Variants in TENM3 observed in about 807,000 individuals in gnomAD.
TENM3 encodes teneurin transmembrane protein 3.
In TENM3, 63 loss-of-function variants were observed where a neutral mutation model predicts 255.1. The observed-to-expected ratio is 0.25, with a 90% confidence interval of 0.20 to 0.30. The LOEUF (loss-of-function observed/expected upper bound fraction) is 0.30, where lower values mean the gene tolerates loss of function less well. Among genes scored for constraint, TENM3 ranks in the 10% least tolerant of loss-of-function variants. The pLI, the probability that TENM3 is intolerant of heterozygous loss-of-function variation, is 1.00. For missense variants in TENM3, 2,929 were observed against 3,461.1 expected, an observed-to-expected ratio of 0.85 and a Z score of 3.86; for synonymous variants, 1,306 against 1,322.3, an observed-to-expected ratio of 0.99 and a Z score of 0.27.
chr4:181,940,874 T>C, the TENM3 span, among the ~76,000 whole-genome samples: 189 of 152,334 alleles, frequency 1.2e-3, no homozygotes, highest in South Asian at 2.3e-3. Flanking sequence ...CAACAGTTAA[T>C]GGCATCTCAA....
chr4:181,963,937 T>C, the TENM3 span, among the ~76,000 whole-genome samples: 24 of 152,142 alleles, frequency 1.6e-4, no homozygotes, highest in African/African-American at 5.8e-4. Context: ...CAACTCCCTC[T>C]TCTGTTATGG....
At chr4:182,623,835 C>T (rs577403339) in intron 4 of TENM3, among the ~76,000 whole-genome samples, 8 of 152,294 alleles carry the variant, frequency 5.3e-5, no homozygotes, top group South Asian at 4.1e-4. Flanking sequence ...TTCCTATCCG[C>T]GAGACCCCTG....
chr4:181,959,034 T>G, the TENM3 span, among the ~76,000 whole-genome samples: 1 of 152,162 alleles, frequency 6.6e-6, no homozygotes, highest in Non-Finnish European at 1.5e-5. Context: ...CATTGAATGG[T>G]TTTTTGTTGT....
the TENM3 span, among the ~76,000 whole-genome samples, chr4:181,705,059 A>C: frequency 1.3e-5 from 2 of 151,228 alleles, no homozygotes; most frequent in Non-Finnish European, 2.9e-5. Context: ...AACAAAAAAA[A>C]AAAAACAAAA....
the TENM3 span, among the ~76,000 whole-genome samples, chr4:182,096,365 A>C: frequency 6.6e-6 from 1 of 152,168 alleles, no homozygotes; most frequent in African/African-American, 2.4e-5. Flanking sequence ...ATTTCAGAAG[A>C]TAGGAACCGA....
intron 3 of TENM3, among the ~76,000 whole-genome samples, chr4:182,415,106 A>AT (rs879411232): frequency 2.6e-5 from 4 of 152,188 alleles, no homozygotes; most frequent in East Asian, 1.9e-4. Context: ...CATTAAGTCT[A>AT]TTTTTTTCCA....
At chr4:181,988,726 C>A in the TENM3 span, among the ~76,000 whole-genome samples, 1 of 151,866 alleles carries the variant, frequency 6.6e-6, no homozygotes, top group African/African-American at 2.4e-5. Flanking sequence ...CCCAAGGTCA[C>A]CTGTCTTTGC....
intron 3 of TENM3, among the ~76,000 whole-genome samples, chr4:182,480,098 G>A (rs2151506845): frequency 6.6e-6 from 1 of 152,068 alleles, no homozygotes; most frequent in Non-Finnish European, 1.5e-5. Flanking sequence ...ACAGTATTCT[G>A]TTTTGAGAAT....
At chr4:182,593,772 C>T (rs1227539311) in intron 3 of TENM3, among the ~76,000 whole-genome samples, 1 of 152,162 alleles carries the variant, frequency 6.6e-6, no homozygotes. Context: ...ACCGAGCACA[C>T]ACATACAAAT....
intron 1 of TENM3, among the ~76,000 whole-genome samples, chr4:182,218,601 T>C (rs1383674931): frequency 6.6e-6 from 1 of 152,206 alleles, no homozygotes; most frequent in Non-Finnish European, 1.5e-5. Flanking sequence ...GTTCTATAAA[T>C]AACATCCTAC....
intron 3 of TENM3, among the ~76,000 whole-genome samples, chr4:182,551,632 T>G (rs1478518314): frequency 6.6e-6 from 1 of 152,186 alleles, no homozygotes; most frequent in Non-Finnish European, 1.5e-5. Context: ...CATTACTATT[T>G]CATCTGACTT....
chr4:181,976,973 C>T, the TENM3 span, among the ~76,000 whole-genome samples: 5 of 152,344 alleles, frequency 3.3e-5, no homozygotes, highest in African/African-American at 9.6e-5. Flanking sequence ...TGCTATGTGA[C>T]ATACACATCA....
chr4:182,556,406 G>A (rs1015476617), intron 3 of TENM3, among the ~76,000 whole-genome samples: 1 of 152,038 alleles, frequency 6.6e-6, no homozygotes, highest in African/African-American at 2.4e-5. Flanking sequence ...GACCATTCAG[G>A]CATAGTTTAT....
intron 1 of TENM3, among the ~76,000 whole-genome samples, chr4:182,312,540 T>C (rs17073039): frequency 0.075 from 11,467 of 152,146 alleles, 515 homozygotes; most frequent in East Asian, 0.14. Flanking sequence ...TTTTACCTAG[T>C]GTGTTTGAGG....
Position 182,753,541 on chromosome 4 carries a change from G to A in TENM3, c.3954G>A (p.Leu1318=), listed in dbSNP as rs973654437. Reference sequence around the variant, plus strand: ...AAAATGGAATCATATCAACTCTTCTGGGCTCTAACGATTTGACTTCAGCCA... The same window carrying A: ...AAAATGGAATCATATCAACTCTTCTAGGCTCTAACGATTTGACTTCAGCCA... ...VDQNGIISTL[L]GSNDLTSARP... is the part of the protein sequence containing the mutation. Residue 1318 remains leucine (L), a synonymous_variant, in exon 21 of 28, where the codon CTG becomes CTA. Coordinates refer to ENST00000511685, the MANE Select transcript of TENM3 (RefSeq NM_001080477.4). 3 of 1,613,908 alleles carry A rather than the reference G, an allele frequency of 1.9e-6. No individual in the cohort carries two copies. Among genetic ancestry groups the A allele is most frequent in the African/African-American group, 2.7e-5 (2 of 75,034 alleles).
chr4:181,850,196 T>A, the TENM3 span, among the ~76,000 whole-genome samples: 2 of 152,152 alleles, frequency 1.3e-5, no homozygotes, highest in South Asian at 4.2e-4. Flanking sequence ...CTACTCTCCT[T>A]ACTCTCAATT....
At chr4:181,785,743 T>C in the TENM3 span, among the ~76,000 whole-genome samples, 1 of 151,988 alleles carries the variant, frequency 6.6e-6, no homozygotes, top group South Asian at 2.1e-4. Context: ...GACACACCTG[T>C]AGTTCCCAAG....
chr4:182,055,807 TG>T, the TENM3 span, among the ~76,000 whole-genome samples: 9 of 152,138 alleles, frequency 5.9e-5, no homozygotes, highest in African/African-American at 2.2e-4. Context: ...ACTTGGAACC[TG>T]TGTTACACTT....
chr4:181,621,595 T>C, the TENM3 span, among the ~76,000 whole-genome samples: 1 of 152,216 alleles, frequency 6.6e-6, no homozygotes, highest in African/African-American at 2.4e-5. Context: ...TAACTCCTTT[T>C]ACAATTTCTG....
Sources: gnomAD v4.1 joint callset for allele counts (sites outside exome capture counted in the v4.1 genomes callset) on GRCh38, gnomAD v4.1.1 for gene constraint, MANE v1.5 for transcripts, NCBI Gene and HGNC (gene_info 2026-07-23, HGNC 2026-07-21) for gene names.